Variants in NAALADL2 observed in about 807,000 individuals in gnomAD.
NAALADL2 encodes the protein inactive N-acetylated-alpha-linked acidic dipeptidase-like protein 2.
NAALADL2 carries 76 observed loss-of-function variants against 87.2 expected under a neutral mutation model. The ratio of observed to expected loss-of-function variants is 0.87; its 90% CI spans 0.72 to 1.05. The LOEUF is 1.05. Ranked by LOEUF, NAALADL2 falls within the 50% of genes least tolerant of loss-of-function variation. The pLI, the probability that NAALADL2 is intolerant of heterozygous loss-of-function variation, is 0.00. For synonymous variants in NAALADL2, 354 were observed against 331.0 expected, an observed-to-expected ratio of 1.07 and a Z score of -0.75; for missense variants, 1,089 against 945.8, an observed-to-expected ratio of 1.15 and a Z score of -1.99.
intron 2 of NAALADL2, among the ~76,000 whole-genome samples, chr3:175,197,752 A>G (rs1044509756): frequency 6.6e-6 from 1 of 152,092 alleles, no homozygotes. Flanking sequence ...TGACAAAAAT[A>G]TGAATTCAGG....
chr3:175,282,862 A>G (rs1261820218), intron 4 of NAALADL2, among the ~76,000 whole-genome samples: 1 of 149,716 alleles, frequency 6.7e-6, no homozygotes, highest in Non-Finnish European at 1.5e-5. Flanking sequence ...ACTTTCAAGA[A>G]TGAAGTATAC....
chr3:175,601,622 A>G (rs1722982465), intron 10 of NAALADL2, among the ~76,000 whole-genome samples: 3 of 152,170 alleles, frequency 2.0e-5, no homozygotes, highest in African/African-American at 7.2e-5. Context: ...GAATCATACT[A>G]TCTCCCATAA....
At chr3:175,383,110 C>A (rs1049518823) in intron 5 of NAALADL2, among the ~76,000 whole-genome samples, 1 of 151,908 alleles carries the variant, frequency 6.6e-6, no homozygotes, top group Non-Finnish European at 1.5e-5. Flanking sequence ...TACAAGCATA[C>A]AATGTGTAAT....
intron 11 of NAALADL2, among the ~76,000 whole-genome samples, chr3:175,709,337 C>T (rs1028114396): frequency 2.0e-5 from 3 of 152,034 alleles, no homozygotes; most frequent in Admixed American, 1.3e-4. Flanking sequence ...TCTTTACATA[C>T]AGCAAAACAT....
At chr3:174,826,926 A>C (rs1722065293) in intron 3 of NAALADL2, among the ~76,000 whole-genome samples, 3 of 152,196 alleles carry the variant, frequency 2.0e-5, no homozygotes. Flanking sequence ...AACAAAAGCA[A>C]TTCCAGCTAA....
At chr3:175,181,970 C>A (rs1269954934) in intron 2 of NAALADL2, among the ~76,000 whole-genome samples, 6 of 151,418 alleles carry the variant, frequency 4.0e-5, no homozygotes, top group African/African-American at 1.5e-4. Context: ...TTTGAGGGAT[C>A]TCCACACTCT....
intron 11 of NAALADL2, among the ~76,000 whole-genome samples, chr3:175,716,776 C>G (rs1322694252): frequency 6.6e-6 from 1 of 152,020 alleles, no homozygotes; most frequent in Non-Finnish European, 1.5e-5. Flanking sequence ...ATCTAAGTTT[C>G]AAAAACAGAT....
chr3:174,737,382 T>G (rs1578734094), intron 2 of NAALADL2, among the ~76,000 whole-genome samples: 1 of 152,186 alleles, frequency 6.6e-6, no homozygotes, highest in African/African-American at 2.4e-5. Flanking sequence ...AATGTAAACA[T>G]GGAAAAATGA....
chr3:175,785,321 A>G (rs1178371937), intron 13 of NAALADL2, among the ~76,000 whole-genome samples: 2 of 148,548 alleles, frequency 1.3e-5, no homozygotes, highest in Admixed American at 1.3e-4. Context: ...GTCTCCCATT[A>G]TTAATGTGTG....
At chr3:175,010,684 A>G (rs28468586) in intron 1 of NAALADL2, among the ~76,000 whole-genome samples, 5,120 of 152,204 alleles carry the variant, frequency 0.034, 192 homozygotes, top group African/African-American at 0.1. Flanking sequence ...TGCTGATGAG[A>G]TCTTCTTGCC....
At chr3:174,639,613 T>C (rs1722975918) in intron 2 of NAALADL2, among the ~76,000 whole-genome samples, 2 of 152,182 alleles carry the variant, frequency 1.3e-5, no homozygotes, top group Admixed American at 1.3e-4. Context: ...CTGCGGGCTT[T>C]TTAAAACCCT....
At chr3:175,291,139 T>A (rs983355176) in intron 4 of NAALADL2, among the ~76,000 whole-genome samples, 1 of 152,164 alleles carries the variant, frequency 6.6e-6, no homozygotes. Context: ...CGCCAATATG[T>A]ATGTCAATGG....
chr3:175,446,164 A>G (rs1720649077), intron 5 of NAALADL2, among the ~76,000 whole-genome samples: 1 of 148,182 alleles, frequency 6.7e-6, no homozygotes, highest in South Asian at 2.1e-4. Context: ...TGAACCTTCT[A>G]TTACCCTACC....
intron 10 of NAALADL2, among the ~76,000 whole-genome samples, chr3:175,579,268 T>G (rs937444207): frequency 2.0e-5 from 3 of 152,252 alleles, no homozygotes; most frequent in African/African-American, 7.2e-5. Flanking sequence ...TATATTCAAT[T>G]TCAACAAGTG....
intron 2 of NAALADL2, among the ~76,000 whole-genome samples, chr3:174,687,721 C>T (rs919243347): frequency 1.3e-5 from 2 of 151,732 alleles, no homozygotes; most frequent in Non-Finnish European, 2.9e-5. Flanking sequence ...TGGCTGTATC[C>T]CCACCCAAAT....
At chr3:175,334,326 A>G (rs1449888510) in intron 5 of NAALADL2, among the ~76,000 whole-genome samples, 2 of 152,138 alleles carry the variant, frequency 1.3e-5, no homozygotes, top group African/African-American at 2.4e-5. Flanking sequence ...GATAGCTTCA[A>G]TTCCAACCCA....
intron 1 of NAALADL2, among the ~76,000 whole-genome samples, chr3:175,078,802 A>G (rs1027505017): frequency 2.0e-5 from 3 of 152,210 alleles, no homozygotes; most frequent in Non-Finnish European, 4.4e-5. Context: ...ATTCCCATGT[A>G]TGGATGTATC....
chr3:174,528,731 G>A (rs1331134900), intron 1 of NAALADL2, among the ~76,000 whole-genome samples: 1 of 152,156 alleles, frequency 6.6e-6, no homozygotes, highest in Non-Finnish European at 1.5e-5. Context: ...AAGGTGAAAG[G>A]CACGTCTCAC....
rs1032306230 is a variant in NAALADL2 at position 174,765,116 on chromosome 3, A to G, written c.-9+27370A>G. On this transcript the variant is annotated intron_variant, in intron 3 of 3. Coordinates refer to the NAALADL2 transcript ENST00000434257. ...CTGGATAAAATACACACAGAAATAC[A>G]CACACATACACACACACACACACAC... Among the ~76,000 whole-genome samples, 3 of 107,922 alleles carry G rather than the reference A, an allele frequency of 2.8e-5. No individual in the cohort carries two copies. In the East Asian group the frequency reaches 6.4e-4, roughly 23 times the overall value. The allele number at this position is 107,922 out of a possible 152,430, so 70.8% of individuals were successfully genotyped here.
Sources: allele counts gnomAD v4.1 joint callset (sites outside exome capture counted in the v4.1 genomes callset), GRCh38; gene constraint gnomAD v4.1.1; transcripts MANE v1.5; gene names NCBI Gene and HGNC (gene_info 2026-07-23, HGNC 2026-07-21).